GPM6A: variants seen among roughly 807,000 people sequenced by gnomAD.
GPM6A encodes neuronal membrane glycoprotein M6-a.
In GPM6A, 7 loss-of-function variants were observed where a neutral mutation model predicts 32.1. The ratio of observed to expected loss-of-function variants is 0.22; its 90% CI spans 0.12 to 0.41. The LOEUF (loss-of-function observed/expected upper bound fraction) is 0.41, where lower values mean the gene tolerates loss of function less well. Among genes scored for constraint, GPM6A ranks in the 10% least tolerant of loss-of-function variants. The pLI is 1.00. For synonymous variants in GPM6A, 130 were observed against 123.4 expected (o/e 1.05, Z -0.35); for missense variants, 235 against 347.2 (o/e 0.68, Z 2.57).
At chr4:175,901,376 A>T (rs1412852878) in intron 1 of GPM6A, among the ~76,000 whole-genome samples, 1 of 152,120 alleles carries the variant, frequency 6.6e-6, no homozygotes, top group Non-Finnish European at 1.5e-5. Context: ...TTTATATTGC[A>T]TGCCTGTATC....
intron 1 of GPM6A, among the ~76,000 whole-genome samples, chr4:175,848,173 G>T (rs576969157): frequency 6.6e-6 from 1 of 152,098 alleles, no homozygotes. Context: ...GTGACTCTCC[G>T]CATTCTAGCG....
intron 1 of GPM6A, among the ~76,000 whole-genome samples, chr4:175,925,779 T>C (rs1238855900): frequency 6.6e-6 from 1 of 152,050 alleles, no homozygotes; most frequent in Non-Finnish European, 1.5e-5. Flanking sequence ...AATACAGCTG[T>C]AGTTGTCAAA....
At chr4:175,883,447 T>A (rs537860941) in intron 1 of GPM6A, among the ~76,000 whole-genome samples, 3 of 152,138 alleles carry the variant, frequency 2.0e-5, no homozygotes, top group Non-Finnish European at 4.4e-5. Context: ...TTCACATAAC[T>A]TTTTCCCTGA....
intron 1 of GPM6A, among the ~76,000 whole-genome samples, chr4:175,831,318 T>C (rs1453840397): frequency 6.6e-6 from 1 of 152,184 alleles, no homozygotes; most frequent in Non-Finnish European, 1.5e-5. Flanking sequence ...TACCTTTGAA[T>C]GGCTGTGCTC....
At chr4:175,982,746 T>C (rs772553284) in intron 1 of GPM6A, among the ~76,000 whole-genome samples, 2 of 152,190 alleles carry the variant, frequency 1.3e-5, no homozygotes, top group African/African-American at 2.4e-5. Flanking sequence ...CCTTTCCATA[T>C]GAATTTGAGA....
intron 1 of GPM6A, among the ~76,000 whole-genome samples, chr4:175,986,807 A>G (rs955580679): frequency 4.6e-5 from 7 of 151,978 alleles, no homozygotes; most frequent in African/African-American, 1.4e-4. Context: ...CAAGAGCCCC[A>G]CCCCCTAATT....
intron 3 of GPM6A, among the ~76,000 whole-genome samples, chr4:175,671,637 G>A (rs976440498): frequency 6.6e-6 from 1 of 152,116 alleles, no homozygotes; most frequent in Non-Finnish European, 1.5e-5. Context: ...GGAATGGTTG[G>A]CAGAGGGGAA....
chr4:175,886,572 A>C (rs1450583802), intron 1 of GPM6A, among the ~76,000 whole-genome samples: 4 of 152,184 alleles, frequency 2.6e-5, no homozygotes, highest in Non-Finnish European at 5.9e-5. Flanking sequence ...TGATTAAATT[A>C]AGACTGCGTC....
At chr4:175,690,850 A>G (rs1393254633) in intron 2 of GPM6A, among the ~76,000 whole-genome samples, 1 of 152,218 alleles carries the variant, frequency 6.6e-6, no homozygotes, top group Admixed American at 6.5e-5. Context: ...GGCCATTATC[A>G]GCCTGTCACA....
intron 1 of GPM6A, among the ~76,000 whole-genome samples, chr4:175,877,042 A>T (rs1737104645): frequency 6.6e-6 from 1 of 152,178 alleles, no homozygotes; most frequent in African/African-American, 2.4e-5. Flanking sequence ...AGGCTCTGGA[A>T]ACATAATTGG....
rs376901123 is a variant in GPM6A at position 175,931,671 on chromosome 4, TACACACAC to T, written c.-23+70630_-23+70637del. Among the ~76,000 whole-genome samples the T allele has an allele frequency of 7.2e-3, 984 of 136,512 alleles. 18 individuals carry two copies. The highest frequency in any genetic ancestry group is 0.021 in the African/African-American group (720 of 34,714). 89.6% of individuals were successfully genotyped at this position (136,512 alleles called of 152,430 possible). On this transcript the variant is annotated intron_variant, in intron 1 of 7. Coordinates refer to the GPM6A transcript ENST00000280187. ...TCTGACAGACATGTGTTAAAAAATA[TACACACAC>T]ACACACACACACACACACACACACA...
At chr4:175,749,287 CA>C (rs1732227415) in intron 1 of GPM6A, among the ~76,000 whole-genome samples, 1 of 151,938 alleles carries the variant, frequency 6.6e-6, no homozygotes, top group Non-Finnish European at 1.5e-5. Flanking sequence ...ATCACCATAA[CA>C]AATATAATAA....
chr4:175,682,840 G>A (rs1032745580), intron 2 of GPM6A, among the ~76,000 whole-genome samples: 5 of 152,180 alleles, frequency 3.3e-5, no homozygotes, highest in African/African-American at 1.2e-4. Flanking sequence ...AAGCCTGGGT[G>A]CCCAGGAGGA....
intron 1 of GPM6A, among the ~76,000 whole-genome samples, chr4:175,714,761 A>G (rs893713356): frequency 2.0e-5 from 3 of 152,116 alleles, no homozygotes; most frequent in Admixed American, 1.3e-4. Flanking sequence ...AATATTTAAC[A>G]TTCAGACCGT....
chr4:175,652,777 A>G (rs1280314848), intron 3 of GPM6A, among the ~76,000 whole-genome samples: 1 of 152,152 alleles, frequency 6.6e-6, no homozygotes, highest in Non-Finnish European at 1.5e-5. Flanking sequence ...AAGGACATGT[A>G]GATGTATGAA....
chr4:175,827,089 T>C (rs1296717951), intron 1 of GPM6A, among the ~76,000 whole-genome samples: 1 of 152,194 alleles, frequency 6.6e-6, no homozygotes, highest in Non-Finnish European at 1.5e-5. Context: ...ATTAAAGCTA[T>C]TTTACAGACG....
At chr4:175,645,643 C>T (rs1446253314) in intron 4 of GPM6A, among the ~76,000 whole-genome samples, 1 of 152,106 alleles carries the variant, frequency 6.6e-6, no homozygotes, top group Non-Finnish European at 1.5e-5. Context: ...ATTGCTTGAA[C>T]CTGGGAGGCA....
rs183058170 is a variant in GPM6A, at chr4:175,876,560, G to A, written c.-22-64311C>T. Among the ~76,000 whole-genome samples, 16 of 152,160 alleles carry A rather than the reference G, an allele frequency of 1.1e-4. No homozygotes were observed. The East Asian group carries it at 1.2e-3, about 11-fold the overall frequency. ...CTGTCTTTTGAGTTCCATGGTAACC[G>A]CATCCTTCCAGTCAAATCTGTCCTG... On this transcript the variant is annotated intron_variant, in intron 1 of 7. Transcript: ENST00000280187.
chr4:175,795,937 C>G (rs1321456592), intron 1 of GPM6A: 1 of 152,304 alleles, frequency 6.6e-6, no homozygotes. Flanking sequence ...GAGTGAGCCA[C>G]TAAGCAGATT....
Sources: gnomAD v4.1 joint callset for allele counts (sites outside exome capture counted in the v4.1 genomes callset) on GRCh38, gnomAD v4.1.1 for gene constraint, MANE v1.5 for transcripts, NCBI Gene and HGNC (gene_info 2026-07-23, HGNC 2026-07-21) for gene names.